DLG2: variants seen among roughly 807,000 people sequenced by gnomAD.
The protein encoded by DLG2 is disks large homolog 2.
A neutral mutation model predicts 132.5 loss-of-function variants in DLG2; 45 were observed. That is an observed-to-expected ratio of 0.34 (90% CI 0.27 to 0.44). DLG2 has a LOEUF of 0.44. Among genes scored for constraint, DLG2 ranks in the 20% least tolerant of loss-of-function variants. The probability of loss-of-function intolerance (pLI) is 1.00; values close to 1 mark genes in which losing one functional copy is unlikely to be tolerated. For synonymous variants in DLG2, 424 were observed against 419.6 expected (o/e 1.01, Z -0.13); for missense variants, 1,045 against 1,196.9 (o/e 0.87, Z 1.87).
At chr11:85,367,114 T>G (rs531177819) in intron 3 of DLG2, among the ~76,000 whole-genome samples, 2 of 152,314 alleles carry the variant, frequency 1.3e-5, no homozygotes, top group Admixed American at 1.3e-4. Context: ...GAATACAGAA[T>G]GCGATTTTAG....
At chr11:85,132,811 A>G (rs1032765048) in intron 5 of DLG2, 10 of 456,630 alleles carry the variant, frequency 2.2e-5, no homozygotes, top group African/African-American at 1.4e-4. Context: ...GGATCCCTAC[A>G]CAGGACTCAG....
chr11:85,142,124 C>T (rs2076532299), intron 5 of DLG2, among the ~76,000 whole-genome samples: 2 of 151,750 alleles, frequency 1.3e-5, no homozygotes, highest in South Asian at 2.1e-4. Context: ...AGGGATTTCA[C>T]TGAACGTGTA....
chr11:84,316,231 A>G (rs1340621613), intron 7 of DLG2, among the ~76,000 whole-genome samples: 2 of 152,192 alleles, frequency 1.3e-5, no homozygotes, highest in Non-Finnish European at 2.9e-5. Context: ...TGAATAAATT[A>G]AGTGCTTAAT....
At chr11:83,616,861 T>C (rs1047878191) in intron 19 of DLG2, among the ~76,000 whole-genome samples, 1 of 152,198 alleles carries the variant, frequency 6.6e-6, no homozygotes, top group Non-Finnish European at 1.5e-5. Context: ...TTTAAAAAAG[T>C]TGGATATCCA....
At chr11:84,970,288 T>C (rs2053908814) in intron 6 of DLG2, among the ~76,000 whole-genome samples, 1 of 152,134 alleles carries the variant, frequency 6.6e-6, no homozygotes, top group Admixed American at 6.6e-5. Context: ...CCCCATCCCA[T>C]CTGAACACTG....
At chr11:84,522,190 A>G (rs372319116) in intron 7 of DLG2, among the ~76,000 whole-genome samples, 207 of 152,156 alleles carry the variant, frequency 1.4e-3, no homozygotes, top group African/African-American at 4.3e-3. Flanking sequence ...ACAAAAAAAA[A>G]AAAAGAAAAG....
chr11:83,649,854 A>G (rs960241383), intron 18 of DLG2, among the ~76,000 whole-genome samples: 1 of 152,094 alleles, frequency 6.6e-6, no homozygotes, highest in African/African-American at 2.4e-5. Context: ...ATTTCTATAG[A>G]TATTCCTTAA....
At chr11:84,013,653 G>A (rs545816296) in intron 11 of DLG2, among the ~76,000 whole-genome samples, 1 of 151,930 alleles carries the variant, frequency 6.6e-6, no homozygotes, top group Admixed American at 6.6e-5. Flanking sequence ...TGGATCATGA[G>A]GTCAGAAGTT....
chr11:84,659,290 C>T (rs901382460), intron 6 of DLG2, among the ~76,000 whole-genome samples: 1 of 151,952 alleles, frequency 6.6e-6, no homozygotes, highest in African/African-American at 2.4e-5. Context: ...TGTCCCTGGA[C>T]CCTCTCTCTA....
At chr11:83,584,412 A>C (rs1269135705) in intron 19 of DLG2, among the ~76,000 whole-genome samples, 4 of 152,216 alleles carry the variant, frequency 2.6e-5, no homozygotes, top group Non-Finnish European at 5.9e-5. Flanking sequence ...TCATGAACTC[A>C]ATCAGAATAC....
intron 5 of DLG2, among the ~76,000 whole-genome samples, chr11:85,117,301 C>T (rs569653434): frequency 6.6e-6 from 1 of 152,010 alleles, no homozygotes; most frequent in Admixed American, 6.6e-5. Flanking sequence ...TTTCTGGCTG[C>T]GTTAAAATCC....
intron 7 of DLG2, among the ~76,000 whole-genome samples, chr11:84,530,810 A>G (rs1265066507): frequency 1.3e-5 from 2 of 152,244 alleles, no homozygotes; most frequent in African/African-American, 4.8e-5. Context: ...TCTGCCGTTA[A>G]GACACACGCA....
At chr11:84,504,633 AT>A (rs35593289) in intron 7 of DLG2, among the ~76,000 whole-genome samples, 67 of 151,626 alleles carry the variant, frequency 4.4e-4, no homozygotes, top group African/African-American at 1.5e-3. Flanking sequence ...AAATTGTGTA[AT>A]TTTTTTTTCT....
At chr11:83,758,915 G>C (rs941857887) in intron 18 of DLG2, among the ~76,000 whole-genome samples, 2 of 152,070 alleles carry the variant, frequency 1.3e-5, no homozygotes, top group African/African-American at 4.8e-5. Context: ...AACTTTTGAT[G>C]AAGCAGAAAC....
chr11:83,601,506 TG>T (rs2058534865), intron 19 of DLG2, among the ~76,000 whole-genome samples: 1 of 115,306 alleles, frequency 8.7e-6, no homozygotes, highest in South Asian at 3.0e-4. Flanking sequence ...TAATATGTGA[TG>T]TTCTTTTTTT....
At chr11:83,793,655 A>G (rs1184488325) in intron 17 of DLG2, among the ~76,000 whole-genome samples, 3 of 152,188 alleles carry the variant, frequency 2.0e-5, no homozygotes, top group Non-Finnish European at 4.4e-5. Flanking sequence ...TTTCCTAGGT[A>G]ACCTGGGGAA....
chr11:84,130,384 C>T (rs991259730), intron 9 of DLG2, among the ~76,000 whole-genome samples: 1 of 151,832 alleles, frequency 6.6e-6, no homozygotes. Context: ...TTATTTTAGG[C>T]ATTGTCAAGG....
At chr11:85,558,394 GA>G (rs2077046296) in intron 3 of DLG2, among the ~76,000 whole-genome samples, 1 of 151,874 alleles carries the variant, frequency 6.6e-6, no homozygotes, top group Non-Finnish European at 1.5e-5. Context: ...ATTTCTCAAA[GA>G]ACTTAAAACA....
intron 6 of DLG2, among the ~76,000 whole-genome samples, chr11:84,980,980 T>C (rs2055655709): frequency 6.6e-6 from 1 of 152,136 alleles, no homozygotes; most frequent in Admixed American, 6.6e-5. Context: ...ACTCTGGGCA[T>C]AGCTCTATCA....
Sources: gnomAD v4.1 joint callset for allele counts (sites outside exome capture counted in the v4.1 genomes callset) on GRCh38, gnomAD v4.1.1 for gene constraint, MANE v1.5 for transcripts, NCBI Gene and HGNC (gene_info 2026-07-23, HGNC 2026-07-21) for gene names.